Variants in PLPP3 observed in about 807,000 individuals in gnomAD.
The protein encoded by PLPP3 is PAP2 beta.
Under a neutral mutation model 29.6 loss-of-function variants are expected in PLPP3, and 6 were observed. The ratio of observed to expected loss-of-function variants is 0.20; its 90% confidence interval spans 0.11 to 0.40. The LOEUF (loss-of-function observed/expected upper bound fraction) is 0.40. PLPP3 is among the 10% of genes least tolerant of loss of function. The pLI is 1.00. For missense variants in PLPP3, 308 were observed against 407.7 expected (o/e 0.76, Z 2.11); for synonymous variants, 152 against 159.7 (o/e 0.95, Z 0.36).
intron 5 of PLPP3, among the ~76,000 whole-genome samples, chr1:56,497,647 G>A (rs1164598762): frequency 6.6e-6 from 1 of 152,184 alleles, no homozygotes; most frequent in Non-Finnish European, 1.5e-5. Flanking sequence ...CTGAATTGAT[G>A]AGTCTTTGTC....
chr1:56,578,821 G>C (rs1477046877), intron 1 of PLPP3, 57 bp downstream of exon 1: 2 of 1,471,860 alleles, frequency 1.4e-6, no homozygotes, highest in South Asian at 1.3e-5. Flanking sequence ...ACTGGGCTGG[G>C]ACGCGCGCCG....
intron 5 of PLPP3, among the ~76,000 whole-genome samples, chr1:56,504,906 C>G (rs199844202): frequency 6.6e-6 from 1 of 152,126 alleles, no homozygotes; most frequent in Non-Finnish European, 1.5e-5. Context: ...AGATCATTCT[C>G]AAGCCATTAG....
intron 1 of PLPP3, among the ~76,000 whole-genome samples, chr1:56,551,864 T>C (rs759682853): frequency 3.9e-5 from 6 of 152,160 alleles, no homozygotes; most frequent in Non-Finnish European, 7.4e-5. Context: ...CCACTGGGTT[T>C]TTCTGTGTGT....
At chr1:56,568,869 C>T (rs984618469) in intron 1 of PLPP3, among the ~76,000 whole-genome samples, 2 of 152,090 alleles carry the variant, frequency 1.3e-5, no homozygotes, top group Non-Finnish European at 2.9e-5. Context: ...TTGTGATCCA[C>T]CCCACTCGGC....
At chr1:56,518,470 T>C (rs1200855129) in intron 4 of PLPP3, among the ~76,000 whole-genome samples, 1 of 152,070 alleles carries the variant, frequency 6.6e-6, no homozygotes, top group Non-Finnish European at 1.5e-5. Flanking sequence ...AGACTTTCCC[T>C]ACATTACACA....
At chr1:56,577,091 A>G (rs1646241901) in intron 1 of PLPP3, among the ~76,000 whole-genome samples, 1 of 152,168 alleles carries the variant, frequency 6.6e-6, no homozygotes, top group Admixed American at 6.5e-5. Context: ...GGCACTCTAG[A>G]AAGAGCTTAC....
At chr1:56,533,895 C>G (rs114746447) in intron 2 of PLPP3, among the ~76,000 whole-genome samples, 5 of 152,208 alleles carry the variant, frequency 3.3e-5, no homozygotes, top group Admixed American at 3.3e-4. Context: ...GACTTTTTCT[C>G]TAGTTAGGAA....
chr1:56,557,028 G>GAA (rs759578673), intron 1 of PLPP3, among the ~76,000 whole-genome samples: 6,010 of 11,698 alleles, frequency 0.51, 1,806 homozygotes, highest in Admixed American at 0.62. Context: ...GAGAGAGAAA[G>GAA]AGAGAGAGAG....
intron 1 of PLPP3, among the ~76,000 whole-genome samples, chr1:56,566,477 T>C (rs529503812): frequency 1.3e-5 from 2 of 152,164 alleles, no homozygotes; most frequent in Non-Finnish European, 2.9e-5. Context: ...TAAGAGAATG[T>C]ATACACGCTG....
intron 1 of PLPP3, among the ~76,000 whole-genome samples, chr1:56,565,367 CAG>C (rs141017985): frequency 0.08 from 12,131 of 152,080 alleles, 545 homozygotes; most frequent in South Asian, 0.23. Context: ...GGGTCACAAA[CAG>C]AGTGACCCAT....
chr1:56,507,732 A>G (rs1328050928), intron 5 of PLPP3, among the ~76,000 whole-genome samples: 1 of 152,240 alleles, frequency 6.6e-6, no homozygotes, highest in East Asian at 1.9e-4. Flanking sequence ...TAAGATCTTG[A>G]GATGGAGAGA....
chr1:56,509,028 C>T (rs1569866294), intron 5 of PLPP3, among the ~76,000 whole-genome samples: 1 of 152,310 alleles, frequency 6.6e-6, no homozygotes, highest in Middle Eastern at 3.4e-3. Flanking sequence ...CCTGTCCTGG[C>T]CTCTCAGATG....
At chr1:56,577,456 CTCT>C (rs2100317763) in intron 1 of PLPP3, among the ~76,000 whole-genome samples, 1 of 152,292 alleles carries the variant, frequency 6.6e-6, no homozygotes, top group African/African-American at 2.4e-5. Flanking sequence ...CTTCAGCTGT[CTCT>C]TCTTACCTGA....
intron 1 of PLPP3, chr1:56,538,984 T>C (rs180978713): frequency 2.8e-5 from 2 of 72,088 alleles, no homozygotes; most frequent in Non-Finnish European, 5.6e-5. Context: ...CAGTGGATAA[T>C]ACAGCCACTA....
At position 56,557,065 on chromosome 1, in the gene PLPP3, A is replaced by G. The variant is rs1317168041; in HGVS notation, c.140-19953T>C. 5.6e-3 allele frequency among the ~76,000 whole-genome samples: 707 copies of G among 126,262 alleles called. 1 individual carries two copies. Among genetic ancestry groups the G allele is most frequent in the Non-Finnish European group, 7.3e-3 (420 of 57,728 alleles). The allele number at this position is 126,262 out of a possible 152,430, so 82.8% of individuals were successfully genotyped here. ...GAGAGAGAGAGAGAGAGAGAAAGAAAGAAAGAAAGAAAAAATGAGAGAGAG... is the reference window on the plus strand; with the variant it reads ...GAGAGAGAGAGAGAGAGAGAAAGAAGGAAAGAAAGAAAAAATGAGAGAGAG... On this transcript the variant is annotated intron_variant, in intron 1 of 5. Transcript: ENST00000371250.
intron 1 of PLPP3, among the ~76,000 whole-genome samples, chr1:56,554,440 C>T (rs1332005503): frequency 1.3e-5 from 2 of 151,818 alleles, no homozygotes; most frequent in South Asian, 2.1e-4. Context: ...GGCGTGTTGG[C>T]GGGCACCTGT....
chr1:56,565,508 C>T (rs1284958246), intron 1 of PLPP3, among the ~76,000 whole-genome samples: 2 of 152,118 alleles, frequency 1.3e-5, no homozygotes, highest in African/African-American at 2.4e-5. Context: ...GCAACCTCTG[C>T]CTCCCAGGCT....
chr1:56,561,398 C>T (rs1337134995), intron 1 of PLPP3, among the ~76,000 whole-genome samples: 1 of 152,096 alleles, frequency 6.6e-6, no homozygotes, highest in Non-Finnish European at 1.5e-5. Flanking sequence ...TTGACCGCTG[C>T]AAACTCTAGC....
intron 5 of PLPP3, among the ~76,000 whole-genome samples, chr1:56,502,128 C>T (rs1645671993): frequency 6.6e-6 from 1 of 152,126 alleles, no homozygotes; most frequent in South Asian, 2.1e-4. Context: ...CCAGGTTCCT[C>T]CTTTCATTGC....
Sources: allele counts gnomAD v4.1 joint callset (sites outside exome capture counted in the v4.1 genomes callset), GRCh38; gene constraint gnomAD v4.1.1; transcripts MANE v1.5; gene names NCBI Gene and HGNC (gene_info 2026-07-23, HGNC 2026-07-21).